The following DPP10 variants were observed in gnomAD, a reference collection of about 807,000 sequenced individuals.
DPP10 encodes the protein dipeptidyl peptidase like 10, also known as inactive dipeptidyl peptidase 10.
A neutral mutation model predicts 120.9 loss-of-function variants in DPP10; 33 were observed. The ratio of observed to expected loss-of-function variants is 0.27; its 90% CI spans 0.21 to 0.37. DPP10 has a LOEUF of 0.37. Ranked by LOEUF, DPP10 falls within the 10% of genes least tolerant of loss-of-function variation. The pLI is 1.00. For missense variants in DPP10, 816 were observed against 942.8 expected, an observed-to-expected ratio of 0.87 and a Z score of 1.76; for synonymous variants, 337 against 326.1, an observed-to-expected ratio of 1.03 and a Z score of -0.36.
At chr2:115,369,053 G>C (rs1417338715) in intron 3 of DPP10, among the ~76,000 whole-genome samples, 1 of 151,906 alleles carries the variant, frequency 6.6e-6, no homozygotes, top group Non-Finnish European at 1.5e-5. Flanking sequence ...AGTTGTTTGA[G>C]TTCCAGCTTT....
intron 1 of DPP10, among the ~76,000 whole-genome samples, chr2:115,136,761 A>G (rs1452230777): frequency 6.6e-6 from 1 of 152,220 alleles, no homozygotes; most frequent in Non-Finnish European, 1.5e-5. Flanking sequence ...TAATCTTTGG[A>G]GGAATAGTAC....
chr2:114,834,781 A>AG, intron 1 of DPP10, among the ~76,000 whole-genome samples: 1 of 145,712 alleles, frequency 6.9e-6, no homozygotes, highest in Non-Finnish European at 1.5e-5. Context: ...TGTATATATA[A>AG]GCCATGTCTA....
chr2:115,122,610 C>T (rs925570529), intron 1 of DPP10, among the ~76,000 whole-genome samples: 1 of 152,214 alleles, frequency 6.6e-6, no homozygotes, highest in Non-Finnish European at 1.5e-5. Context: ...TTCTTTGTTG[C>T]CACACAATGC....
intron 1 of DPP10, among the ~76,000 whole-genome samples, chr2:114,911,735 T>C (rs1694382936): frequency 6.6e-6 from 1 of 152,086 alleles, no homozygotes; most frequent in South Asian, 2.1e-4. Flanking sequence ...GAAAGATAAA[T>C]CATACTGAGC....
chr2:115,780,287 A>G (rs1682597391), intron 15 of DPP10, among the ~76,000 whole-genome samples: 1 of 151,922 alleles, frequency 6.6e-6, no homozygotes, highest in Admixed American at 6.6e-5. Flanking sequence ...TCATTATGTC[A>G]AAGTGTGTAT....
intron 5 of DPP10, among the ~76,000 whole-genome samples, chr2:115,554,051 CA>C (rs2080055861): frequency 6.8e-6 from 1 of 147,884 alleles, no homozygotes; most frequent in Admixed American, 6.8e-5. Flanking sequence ...ACCAAATTAA[CA>C]CCTTTCTCCA....
At chr2:115,368,922 A>G (rs1034200100) in intron 3 of DPP10, among the ~76,000 whole-genome samples, 2 of 151,964 alleles carry the variant, frequency 1.3e-5, no homozygotes, top group African/African-American at 2.4e-5. Context: ...TGGTAAGTTT[A>G]TATCTCATTA....
intron 1 of DPP10, among the ~76,000 whole-genome samples, chr2:115,146,367 A>C (rs1347159443): frequency 2.0e-5 from 3 of 152,156 alleles, no homozygotes; most frequent in Non-Finnish European, 4.4e-5. Context: ...CTCGAAGTCC[A>C]AGTAGCAGTT....
intron 1 of DPP10, among the ~76,000 whole-genome samples, chr2:115,132,319 T>G (rs4560123): frequency 0.15 from 22,627 of 151,966 alleles, 2,018 homozygotes; most frequent in East Asian, 0.3. Flanking sequence ...CTTGAAAGTT[T>G]TCAGACTCTT....
At chr2:115,039,763 C>T (rs771956735) in intron 1 of DPP10, among the ~76,000 whole-genome samples, 4 of 152,138 alleles carry the variant, frequency 2.6e-5, no homozygotes, top group Non-Finnish European at 4.4e-5. Context: ...TTGTGACGCA[C>T]TCTACCCACA....
At chr2:114,802,983 A>G (rs1234262610) in intron 1 of DPP10, among the ~76,000 whole-genome samples, 2 of 152,172 alleles carry the variant, frequency 1.3e-5, no homozygotes, top group African/African-American at 4.8e-5. Flanking sequence ...ACTGAATGAA[A>G]TGAGATGGCT....
chr2:114,998,264 C>T (rs1262557793), intron 1 of DPP10, among the ~76,000 whole-genome samples: 1 of 152,078 alleles, frequency 6.6e-6, no homozygotes, highest in East Asian at 1.9e-4. Flanking sequence ...CCTCGGACTT[C>T]CAAAATAAAT....
intron 8 of DPP10, 83 bp from the exon 9 acceptor site, chr2:115,739,656 A>G: frequency 7.1e-7 from 1 of 1,407,964 alleles, no homozygotes; most frequent in Non-Finnish European, 9.9e-7. Context: ...TAGGTGTACA[A>G]TGGAGATTTC....
intron 1 of DPP10, among the ~76,000 whole-genome samples, chr2:114,607,968 A>G (rs1375974561): frequency 6.6e-6 from 1 of 152,124 alleles, no homozygotes; most frequent in Non-Finnish European, 1.5e-5. Context: ...TTTATGTATT[A>G]TGACCCCCAA....
chr2:114,765,238 G>A (rs1421514486), intron 1 of DPP10, among the ~76,000 whole-genome samples: 1 of 152,146 alleles, frequency 6.6e-6, no homozygotes, highest in Non-Finnish European at 1.5e-5. Flanking sequence ...TTACACTCGT[G>A]TGGTGGTAAA....
intron 17 of DPP10, among the ~76,000 whole-genome samples, chr2:115,788,630 G>A (rs930655603): frequency 1.1e-4 from 17 of 152,062 alleles, no homozygotes; most frequent in African/African-American, 3.9e-4. Context: ...CAGTATATTA[G>A]GCATCTTAGA....
intron 1 of DPP10, among the ~76,000 whole-genome samples, chr2:114,671,196 A>C (rs1020615867): frequency 6.6e-6 from 1 of 152,206 alleles, no homozygotes; most frequent in African/African-American, 2.4e-5. Context: ...AAAGATGAGA[A>C]AGTTGAAAAG....
intron 1 of DPP10, among the ~76,000 whole-genome samples, chr2:114,753,175 A>G (rs145875204): frequency 6.6e-6 from 1 of 152,290 alleles, no homozygotes; most frequent in East Asian, 1.9e-4. Context: ...GAGGGACTCA[A>G]GAAAGATCAG....
chr2:115,681,279 T>A (rs776084659), intron 5 of DPP10, among the ~76,000 whole-genome samples: 2 of 151,824 alleles, frequency 1.3e-5, no homozygotes, highest in Admixed American at 6.6e-5. Context: ...ATGGAAAATA[T>A]GAACAATCTA....
Sources: gnomAD v4.1 joint callset for allele counts (sites outside exome capture counted in the v4.1 genomes callset) on GRCh38, gnomAD v4.1.1 for gene constraint, MANE v1.5 for transcripts, NCBI Gene and HGNC (gene_info 2026-07-23, HGNC 2026-07-21) for gene names.